UMODL1: variants seen among roughly 807,000 people sequenced by gnomAD.
The protein encoded by UMODL1 is uromodulin like 1, also known as uromodulin-like 1.
UMODL1 carries 128 observed loss-of-function variants against 136.3 expected under a neutral mutation model. The ratio of observed to expected loss-of-function variants is 0.94; its 90% CI spans 0.81 to 1.09. The LOEUF (loss-of-function observed/expected upper bound fraction) is 1.09, where lower values mean the gene tolerates loss of function less well. Among genes scored for constraint, UMODL1 ranks in the 50% least tolerant of loss-of-function variants. The pLI is 0.00. For synonymous variants in UMODL1, 721 were observed against 720.0 expected, an observed-to-expected ratio of 1.00 and a Z score of -0.02; for missense variants, 1,766 against 1,725.6, an observed-to-expected ratio of 1.02 and a Z score of -0.41.
chr21:42,097,642 T>C (rs1302746601), intron 6 of UMODL1, among the ~76,000 whole-genome samples: 1 of 152,230 alleles, frequency 6.6e-6, no homozygotes, highest in Non-Finnish European at 1.5e-5. Flanking sequence ...AAGCCACACA[T>C]TATAAAATTA....
chr21:42,072,789 G>T (rs1379844392), intron 1 of UMODL1, among the ~76,000 whole-genome samples: 1 of 152,192 alleles, frequency 6.6e-6, no homozygotes, highest in Admixed American at 6.5e-5. Context: ...GACTCTTGTT[G>T]GCCCCAGAGC....
rs779574971 is a variant in UMODL1 at position 42,076,123 on chromosome 21, C to T, written c.195C>T (p.Ile65=). The part of the protein sequence containing the change: ...YTSYVSCGGW[I]PWRRCPKMVY... ...CCTATGTGTCCTGCGGCGGCTGGAT[C>T]CCCTGGAGGCGGTGCCCTAAGATGG... The change falls in exon 2 of 23, where the codon ATC becomes ATT. Residue 65 remains isoleucine, a synonymous_variant. Coordinates refer to ENST00000408910, the MANE Select transcript of UMODL1 (RefSeq NM_001004416.3). 5 of 1,614,232 alleles carry T rather than the reference C, an allele frequency of 3.1e-6. No homozygotes were observed. Among genetic ancestry groups the T allele is most frequent in the East Asian group, 2.2e-5 (1 of 44,882 alleles).
chr21:42,089,971 G>A (rs960464227), intron 5 of UMODL1, among the ~76,000 whole-genome samples: 2 of 152,172 alleles, frequency 1.3e-5, no homozygotes, highest in African/African-American at 2.4e-5. Flanking sequence ...TTACGCTTGG[G>A]GTGGGATGTT....
At chr21:42,107,458 G>A (rs1214484061) in intron 9 of UMODL1, among the ~76,000 whole-genome samples, 1 of 152,202 alleles carries the variant, frequency 6.6e-6, no homozygotes, top group Non-Finnish European at 1.5e-5. Flanking sequence ...TCTGCAGAGT[G>A]AGAGAAGGGC....
chr21:42,093,980 G>A (rs189375438), intron 6 of UMODL1: 2 of 456,598 alleles, frequency 4.4e-6, no homozygotes, highest in East Asian at 1.4e-4. Flanking sequence ...GGCTTCCAGG[G>A]TGAGAATCCT....
Position 42,129,780 on chromosome 21 carries a change from C to T in UMODL1, c.3758C>T (p.Pro1253Leu), listed in dbSNP as rs2067109782. The T allele has an allele frequency of 4.4e-6, 7 of 1,584,254 alleles. No individual in the cohort carries two copies. Among genetic ancestry groups the T allele is most frequent in the African/African-American group, 1.4e-5 (1 of 73,186 alleles). The change falls in exon 21 of 23, where the codon CCC becomes CTC. Residue 1253 changes from proline to leucine, a missense_variant. By Grantham distance (98) the Pro-to-Leu change is moderately conservative. Coordinates refer to ENST00000408910, the MANE Select transcript of UMODL1 (RefSeq NM_001004416.3). ...GCCACACACCAGATGTCCTGGGGAC[C>T]CCTCATCCGGTCTGAAGGTGAGTTG... ...TSATHQMSWG[P>L]LIRSEGEPPH...
chr21:42,072,320 T>C (rs1329170409), intron 1 of UMODL1, among the ~76,000 whole-genome samples: 1 of 152,262 alleles, frequency 6.6e-6, no homozygotes, highest in Non-Finnish European at 1.5e-5. Context: ...TCTGTCATAT[T>C]CAGTTACAAA....
intron 9 of UMODL1, among the ~76,000 whole-genome samples, chr21:42,104,622 G>A (rs151192088): frequency 0.014 from 2,104 of 152,100 alleles, 19 homozygotes; most frequent in Non-Finnish European, 0.022. Flanking sequence ...GCTAATTTTT[G>A]TATTTTAAGT....
chr21:42,093,903 G>A (rs990084845), intron 6 of UMODL1: 2 of 456,644 alleles, frequency 4.4e-6, no homozygotes, highest in Non-Finnish European at 8.8e-6. Flanking sequence ...AGAACTTCGC[G>A]CCACGTCCAC....
chr21:42,098,295 C>G (rs1337813108), intron 6 of UMODL1, among the ~76,000 whole-genome samples: 1 of 152,162 alleles, frequency 6.6e-6, no homozygotes, highest in Non-Finnish European at 1.5e-5. Flanking sequence ...TCTAACTTGG[C>G]TCAGTGATAG....
At chr21:42,120,153 A>G (rs2066951214) in intron 15 of UMODL1, among the ~76,000 whole-genome samples, 1 of 152,268 alleles carries the variant, frequency 6.6e-6, no homozygotes, top group South Asian at 2.1e-4. Flanking sequence ...TTGCCCATCA[A>G]ATTGCAAACA....
At chr21:42,065,206 C>T (rs181879398) in intron 1 of UMODL1, among the ~76,000 whole-genome samples, 88 of 152,326 alleles carry the variant, frequency 5.8e-4, no homozygotes, top group African/African-American at 1.8e-3. Flanking sequence ...TGGCGGGGAA[C>T]GATCCCCTCT....
intron 21 of UMODL1, among the ~76,000 whole-genome samples, chr21:42,132,425 T>TCATC (rs1402101063): frequency 1.3e-5 from 2 of 151,730 alleles, no homozygotes; most frequent in East Asian, 1.9e-4. Flanking sequence ...CATTCATCTG[T>TCATC]CATCCATCCA....
intron 9 of UMODL1, among the ~76,000 whole-genome samples, chr21:42,104,640 G>C (rs1336060838): frequency 2.0e-5 from 3 of 152,096 alleles, no homozygotes; most frequent in African/African-American, 7.2e-5. Flanking sequence ...AGTAGAGACA[G>C]GGTTTCACCG....
chr21:42,127,591 G>A, intron 19 of UMODL1, 81 bp from the exon 20 acceptor site: 2 of 1,450,162 alleles, frequency 1.4e-6, no homozygotes, highest in Non-Finnish European at 1.8e-6. Context: ...GTCGTCAGAT[G>A]TAGTCGTGAG....
rs2067004001 is a variant in UMODL1 at position 42,123,221 on chromosome 21, T to C, written c.3147+71T>C. Reference sequence around the variant, plus strand: ...GGGCTCTAGGTTACATGGGCCTCGATGTGGGAGGGCCAGGCAAGACTCTGC... The same window carrying C: ...GGGCTCTAGGTTACATGGGCCTCGACGTGGGAGGGCCAGGCAAGACTCTGC... On this transcript the variant is annotated intron_variant, in intron 17 of 22. Coordinates refer to ENST00000408910, the MANE Select transcript of UMODL1 (RefSeq NM_001004416.3). This position sits in a 1 kb window ranked among gnomAD's most constrained non-coding sequence, Gnocchi z 4.4. 2.7e-6 allele frequency: 4 copies of C among 1,502,678 alleles called. No homozygotes were observed. The highest frequency in any genetic ancestry group is 3.6e-6 in the Non-Finnish European group (4 of 1,113,672). 93.1% of individuals were successfully genotyped at this position (1,502,678 alleles called of 1,614,324 possible).
intron 6 of UMODL1, among the ~76,000 whole-genome samples, chr21:42,092,894 G>A (rs954006989): frequency 6.6e-6 from 1 of 152,130 alleles, no homozygotes; most frequent in Non-Finnish European, 1.5e-5. Flanking sequence ...GGGGGACGAA[G>A]GTGATTTTCT....
chr21:42,082,006 A>T (rs1601184960), intron 2 of UMODL1, among the ~76,000 whole-genome samples: 1 of 152,148 alleles, frequency 6.6e-6, no homozygotes, highest in Non-Finnish European at 1.5e-5. Flanking sequence ...ATGCACGGCC[A>T]TCGGTAGAGC....
chr21:42,077,627 C>T (rs961955224), intron 2 of UMODL1, among the ~76,000 whole-genome samples: 1 of 152,226 alleles, frequency 6.6e-6, no homozygotes, highest in Non-Finnish European at 1.5e-5. Context: ...GGATATAGCT[C>T]GCCACAGTAT....
Sources: allele counts gnomAD v4.1 joint callset (sites outside exome capture counted in the v4.1 genomes callset), GRCh38; gene constraint gnomAD v4.1.1; non-coding constraint Gnocchi (gnomAD v3.1); transcripts MANE v1.5; gene names NCBI Gene and HGNC (gene_info 2026-07-23, HGNC 2026-07-21).